SH3D19: variants seen among roughly 807,000 people sequenced by gnomAD.
SH3D19 encodes the protein SH3 domain-containing protein 19.
A neutral mutation model predicts 112.1 loss-of-function variants in SH3D19; 58 were observed. The observed-to-expected ratio is 0.52, with a 90% confidence interval of 0.42 to 0.64. The LOEUF (loss-of-function observed/expected upper bound fraction) is 0.64, where lower values mean the gene tolerates loss of function less well. Ranked by LOEUF, SH3D19 falls within the 30% of genes least tolerant of loss-of-function variation. The pLI, the probability that SH3D19 is intolerant of heterozygous loss-of-function variation, is 0.00. For missense variants in SH3D19, 1,090 were observed against 1,263.4 expected, an observed-to-expected ratio of 0.86 and a Z score of 2.08; for synonymous variants, 391 against 448.5, an observed-to-expected ratio of 0.87 and a Z score of 1.62.
At chr4:151,311,578 C>T (rs902868227) in intron 1 of SH3D19, among the ~76,000 whole-genome samples, 3 of 152,038 alleles carry the variant, frequency 2.0e-5, no homozygotes, top group African/African-American at 7.2e-5. Context: ...GTGCCTCACG[C>T]CTGTAATCTC....
intron 1 of SH3D19, among the ~76,000 whole-genome samples, chr4:151,237,548 C>T (rs1770220182): frequency 1.5e-5 from 2 of 131,354 alleles, no homozygotes; most frequent in Non-Finnish European, 3.4e-5. Flanking sequence ...GAGTTCTTCA[C>T]TACTTATTAC....
intron 1 of SH3D19, among the ~76,000 whole-genome samples, chr4:151,287,446 T>C (rs1034412680): frequency 2.0e-5 from 3 of 151,596 alleles, no homozygotes; most frequent in African/African-American, 7.3e-5. Context: ...TATAGACCAG[T>C]ATCTTTTATG....
chr4:151,188,280 G>C (rs960573522), intron 2 of SH3D19, among the ~76,000 whole-genome samples: 6 of 152,168 alleles, frequency 3.9e-5, no homozygotes, highest in Admixed American at 3.9e-4. Flanking sequence ...AGCGAGGACT[G>C]TAATATAAAG....
chr4:151,297,072 A>G (rs775586748), intron 1 of SH3D19, among the ~76,000 whole-genome samples: 48 of 152,242 alleles, frequency 3.2e-4, no homozygotes, highest in Non-Finnish European at 3.5e-4. Context: ...GCTCCCTGAG[A>G]ACTTTTTAAA....
chr4:151,209,919 C>A (rs539304309), intron 2 of SH3D19, among the ~76,000 whole-genome samples: 2 of 152,196 alleles, frequency 1.3e-5, no homozygotes, highest in African/African-American at 4.8e-5. Context: ...AAAATCTGAG[C>A]ATTATAACAT....
At position 151,186,322 on chromosome 4, in the gene SH3D19, A is replaced by G. The variant is rs186390039; in HGVS notation, c.193+1101T>C. ...TGGGAATTCTACTCTTAGCACTTCT[A>G]TCTTGATATGGTAGTATAAGCCCGT... On this transcript the variant is annotated intron_variant, in intron 3 of 19. Transcript: ENST00000604030. Among the ~76,000 whole-genome samples the G allele has an allele frequency of 1.7e-4, 26 of 152,362 alleles. No individual in the cohort carries two copies. In the East Asian group the frequency reaches 4.6e-3, roughly 27 times the overall value.
intron 2 of SH3D19, among the ~76,000 whole-genome samples, chr4:151,203,586 T>C (rs998789370): frequency 6.6e-6 from 1 of 152,182 alleles, no homozygotes; most frequent in African/African-American, 2.4e-5. Flanking sequence ...CACCAACTTA[T>C]AAAGGTCATT....
chr4:151,127,002 C>T (rs1043039050), intron 19 of SH3D19, among the ~76,000 whole-genome samples: 15 of 151,344 alleles, frequency 9.9e-5, no homozygotes, highest in African/African-American at 2.9e-4. Context: ...CTCCACCTCC[C>T]GGGTTCATGC....
intron 1 of SH3D19, chr4:151,282,060 TC>T (rs1181156062): frequency 2.1e-6 from 3 of 1,397,886 alleles, no homozygotes; most frequent in Non-Finnish European, 3.0e-6. Flanking sequence ...TACCCTCCTT[TC>T]TTGAGTAGAG....
At chr4:151,253,148 A>G (rs1472486870) in intron 1 of SH3D19, among the ~76,000 whole-genome samples, 2 of 152,228 alleles carry the variant, frequency 1.3e-5, no homozygotes, top group Non-Finnish European at 2.9e-5. Context: ...AGCCTGCAAG[A>G]GCCTACATCA....
intron 1 of SH3D19, among the ~76,000 whole-genome samples, chr4:151,264,603 G>A (rs1237793262): frequency 1.3e-5 from 2 of 152,206 alleles, no homozygotes; most frequent in Non-Finnish European, 1.5e-5. Context: ...TCTGGAATGA[G>A]AGCCTGAGAA....
At chr4:151,248,808 TAAACAAAACA>T (rs962350296) in intron 1 of SH3D19, among the ~76,000 whole-genome samples, 5 of 152,114 alleles carry the variant, frequency 3.3e-5, no homozygotes, top group Non-Finnish European at 7.4e-5. Context: ...CACCCCCTTG[TAAACAAAACA>T]AAACAAAACA....
intron 14 of SH3D19, among the ~76,000 whole-genome samples, chr4:151,136,750 A>C (rs1262688407): frequency 3.3e-5 from 5 of 152,236 alleles, no homozygotes; most frequent in African/African-American, 1.2e-4. Flanking sequence ...AAGAGTGCTA[A>C]AACAAACATT....
chr4:151,226,477 G>A (rs947067742), intron 1 of SH3D19: 2 of 989,274 alleles, frequency 2.0e-6, no homozygotes. Flanking sequence ...GTTGGCAGAA[G>A]CTTCTAACAG....
intron 1 of SH3D19, chr4:151,262,664 T>C (rs1580351771): frequency 1.4e-5 from 2 of 141,678 alleles, no homozygotes; most frequent in African/African-American, 5.3e-5. Context: ...ATGTACTGTC[T>C]AGCCAACATT....
At chr4:151,229,071 TA>T (rs1373889192) in intron 1 of SH3D19, among the ~76,000 whole-genome samples, 2 of 144,544 alleles carry the variant, frequency 1.4e-5, no homozygotes, top group Non-Finnish European at 3.0e-5. Flanking sequence ...AGGGTCTCCC[TA>T]TTTTGTCCAG....
chr4:151,130,437 A>C (rs1296214786), intron 17 of SH3D19, among the ~76,000 whole-genome samples: 1 of 152,064 alleles, frequency 6.6e-6, no homozygotes, highest in African/African-American at 2.4e-5. Flanking sequence ...CCTGTCTCAA[A>C]AAAACAAAAC....
intron 1 of SH3D19, among the ~76,000 whole-genome samples, chr4:151,247,180 G>A (rs1030418900): frequency 1.3e-5 from 2 of 151,900 alleles, no homozygotes; most frequent in African/African-American, 2.4e-5. Flanking sequence ...ATATTCACAT[G>A]CAAAATTGGT....
intron 2 of SH3D19, among the ~76,000 whole-genome samples, chr4:151,223,133 TC>T (rs1428079437): frequency 6.6e-6 from 1 of 151,646 alleles, no homozygotes; most frequent in Admixed American, 6.6e-5. Flanking sequence ...TGGTAAATTT[TC>T]CCCCTTTGCA....
Sources: gnomAD v4.1 joint callset for allele counts (sites outside exome capture counted in the v4.1 genomes callset) on GRCh38, gnomAD v4.1.1 for gene constraint, MANE v1.5 for transcripts, NCBI Gene and HGNC (gene_info 2026-07-23, HGNC 2026-07-21) for gene names.